Variants in UTP18 observed in about 807,000 individuals in gnomAD.
UTP18 encodes U3 small nucleolar RNA-associated protein 18 homolog.
UTP18 carries 36 observed loss-of-function variants against 61.1 expected under a neutral mutation model. The observed-to-expected ratio is 0.59, with a 90% CI of 0.45 to 0.78. UTP18 has a LOEUF of 0.78. Ranked by LOEUF, UTP18 falls within the 30% of genes least tolerant of loss-of-function variation. UTP18 has a pLI of 0.00. For missense variants in UTP18, 753 were observed against 693.9 expected, an observed-to-expected ratio of 1.09 and a Z score of -0.96; for synonymous variants, 282 against 251.1, an observed-to-expected ratio of 1.12 and a Z score of -1.16.
chr17:51,273,563 G>T, intron 5 of UTP18, 113 bp downstream of exon 5: 2 of 705,530 alleles, frequency 2.8e-6, no homozygotes, highest in Non-Finnish European at 4.4e-6. Flanking sequence ...AAATATGTTT[G>T]CTGTCATTTT....
intron 5 of UTP18, 62 bp from the exon 6 acceptor site, chr17:51,275,804 C>T: frequency 7.5e-7 from 1 of 1,340,644 alleles, no homozygotes; most frequent in Non-Finnish European, 9.8e-7. Context: ...TTTCTTCTTA[C>T]TCTAAAGAAA....
intron 7 of UTP18, among the ~76,000 whole-genome samples, chr17:51,278,167 T>A (rs1376680740): frequency 6.6e-6 from 1 of 152,170 alleles, no homozygotes; most frequent in Non-Finnish European, 1.5e-5. Flanking sequence ...TCCAAGTAGA[T>A]CCTTGGTTTA....
Position 51,263,319 on chromosome 17 carries a change from G to A in UTP18, c.388G>A (p.Ala130Thr). The A allele has an allele frequency of 6.2e-7, 1 of 1,614,192 alleles. No individual in the cohort carries two copies. Among genetic ancestry groups the A allele is most frequent in the Non-Finnish European group, 8.5e-7 (1 of 1,180,040 alleles). The change falls in exon 2 of 14, where the codon GCA (alanine) becomes ACA (threonine). Residue 130 changes from alanine to threonine, a missense_variant. Coordinates refer to ENST00000225298, the MANE Select transcript of UTP18 (RefSeq NM_016001.3). ...GGGTGACTCAGAAGTGGAGAATGAA[G>A]CAAAAGGTAATTTTCCACCTCAAAA... ...DSGDSEVENEAKGNFPPQKKP... is the reference protein window; with the variant it reads ...DSGDSEVENETKGNFPPQKKP...
At chr17:51,265,630 CTG>C (rs2055553465) in intron 2 of UTP18, among the ~76,000 whole-genome samples, 1 of 128,190 alleles carries the variant, frequency 7.8e-6, no homozygotes, top group African/African-American at 3.0e-5. Context: ...GTGCCACAAT[CTG>C]GGCTCATTTC....
chr17:51,272,721 C>T (rs1404085629), intron 4 of UTP18, among the ~76,000 whole-genome samples: 2 of 152,264 alleles, frequency 1.3e-5, no homozygotes, highest in South Asian at 4.1e-4. Flanking sequence ...CGTCTTTAAT[C>T]CTAGTGGTAG....
Position 51,277,054 on chromosome 17 carries a change from G to C in UTP18, c.838-76G>C, listed in dbSNP as rs1186039187. ...GATATGTATTTTTAAATGAACACTT[G>C]TAGTGAAAAGTATATACTACCAGGA... On this transcript the variant is annotated intron_variant, in intron 6 of 13. Transcript: ENST00000225298. The C allele has an allele frequency of 8.3e-6, 12 of 1,447,594 alleles. No homozygotes were observed. The South Asian group carries it at 1.3e-4, about 16-fold the overall frequency. The allele number at this position is 1,447,594 out of a possible 1,614,324, so 89.7% of individuals were successfully genotyped here. A position where few individuals can be genotyped will look rare whatever the true frequency, so the allele number is the denominator to read the frequency against.
At position 51,270,356 on chromosome 17, in the gene UTP18, G is replaced by GCGTACTTCT. The variant is rs1361476567; in HGVS notation, c.622+1453_622+1461dup. 7.2e-5 allele frequency among the ~76,000 whole-genome samples: 11 copies of GCGTACTTCT among 151,960 alleles called. No homozygotes were observed. In the East Asian group the frequency reaches 1.2e-3, roughly 16 times the overall value. ...CGTTATTTTGACCATTTTTTTGGTG[G>GCGTACTTCT]CGTACTTCTAGACCCTAGATCACCA... On this transcript the variant is annotated intron_variant, in intron 4 of 13. Coordinates refer to ENST00000225298, the MANE Select transcript of UTP18 (RefSeq NM_016001.3).
At chr17:51,292,997 G>A (rs536765648) in intron 11 of UTP18, among the ~76,000 whole-genome samples, 24 of 152,314 alleles carry the variant, frequency 1.6e-4, no homozygotes, top group African/African-American at 5.8e-4. Flanking sequence ...TATGATAGTA[G>A]AATATATGTG....
chr17:51,277,082 C>A (rs763124885), intron 6 of UTP18, 48 bp from the exon 7 acceptor site: 3 of 1,575,572 alleles, frequency 1.9e-6, no homozygotes, highest in Middle Eastern at 1.7e-4. Flanking sequence ...TACCAGGATA[C>A]AGGGTCTGTG....
intron 9 of UTP18, among the ~76,000 whole-genome samples, chr17:51,282,491 GGGAAGGAAGGAAAGATGGAA>G (rs922743968): frequency 1.4e-4 from 19 of 139,238 alleles, no homozygotes; most frequent in African/African-American, 5.1e-4. Context: ...AAGGGAGGGA[GGGAAGGAAGGAAAGATGGAA>G]GGAAGGAAGG....
chr17:51,263,157 A>G (rs767537559), intron 1 of UTP18, 117 bp from the exon 2 acceptor site: 4 of 783,606 alleles, frequency 5.1e-6, no homozygotes, highest in Non-Finnish European at 8.4e-6. Flanking sequence ...CCATCCCATT[A>G]TTTCATCAGA....
At chr17:51,284,997 G>A (rs1451588794) in intron 9 of UTP18, among the ~76,000 whole-genome samples, 1 of 151,582 alleles carries the variant, frequency 6.6e-6, no homozygotes, top group Non-Finnish European at 1.5e-5. Flanking sequence ...GGAGAAGGAG[G>A]TTGCAGTGTG....
intron 10 of UTP18, among the ~76,000 whole-genome samples, chr17:51,287,081 T>G (rs989609966): frequency 1.4e-5 from 2 of 147,364 alleles, no homozygotes; most frequent in African/African-American, 2.5e-5. Context: ...CAAGAAAAAC[T>G]GCGCAGAAAT....
At chr17:51,283,212 A>C (rs1905004817) in intron 9 of UTP18, among the ~76,000 whole-genome samples, 1 of 146,232 alleles carries the variant, frequency 6.8e-6, no homozygotes, top group African/African-American at 2.6e-5. Context: ...TGTGTTGCCC[A>C]GGCTGGAGTG....
intron 2 of UTP18, among the ~76,000 whole-genome samples, 191 bp downstream of exon 2, chr17:51,263,577 C>T (rs972699787): frequency 1.3e-5 from 2 of 152,224 alleles, no homozygotes; most frequent in African/African-American, 4.8e-5. Flanking sequence ...TGTTGTCACA[C>T]TTCTGTCTCA....
At chr17:51,286,553 G>T (rs746778660) in intron 10 of UTP18, 10 of 456,148 alleles carry the variant, frequency 2.2e-5, no homozygotes, top group Non-Finnish European at 4.4e-5. Context: ...GGGAGGAAAG[G>T]CAAGTAGAAC....
chr17:51,274,487 G>A (rs535696162), intron 5 of UTP18, among the ~76,000 whole-genome samples: 1 of 152,204 alleles, frequency 6.6e-6, no homozygotes, highest in Admixed American at 6.5e-5. Flanking sequence ...TTTTGCTCAG[G>A]CTGGAGTGCA....
intron 4 of UTP18, among the ~76,000 whole-genome samples, chr17:51,269,328 C>CA (rs1403113098): frequency 1.0e-5 from 1 of 100,424 alleles, no homozygotes; most frequent in Non-Finnish European, 2.1e-5. Flanking sequence ...AAAAAAAAAC[C>CA]AAAAAAATCT....
At position 51,275,945 on chromosome 17, in the gene UTP18, A is replaced by G; in HGVS notation, c.791A>G (p.Gln264Arg). Residue 264 changes from glutamine (Q) to arginine (R), a missense_variant, in exon 6 of 14, where the codon CAG becomes CGG. Physicochemically the swap from Gln to Arg is conservative, Grantham distance 43. Transcript: ENST00000225298. ...TCTGTGCAGTTCCATCCCGGTGCAC[A>G]GATTGTGATGGTTGCTGGATTAGAT... ...ISSVQFHPGAQIVMVAGLDNA... is the reference protein window; with the variant it reads ...ISSVQFHPGARIVMVAGLDNA... 2 of 1,613,024 alleles carry G rather than the reference A, an allele frequency of 1.2e-6. No individual in the cohort carries two copies.
Sources: allele counts gnomAD v4.1 joint callset (sites outside exome capture counted in the v4.1 genomes callset), GRCh38; gene constraint gnomAD v4.1.1; transcripts MANE v1.5; gene names NCBI Gene and HGNC (gene_info 2026-07-23, HGNC 2026-07-21).